The following MDGA2 variants were observed in gnomAD, a reference collection of about 807,000 sequenced individuals.
The protein encoded by MDGA2 is MAM domain-containing glycosylphosphatidylinositol anchor protein 2.
MDGA2 carries 40 observed loss-of-function variants against 117.8 expected under a neutral mutation model. The observed-to-expected ratio is 0.34, with a 90% CI of 0.26 to 0.44. The LOEUF is 0.44. MDGA2 is among the 20% of genes least tolerant of loss of function. MDGA2 has a pLI of 1.00. For synonymous variants in MDGA2, 452 were observed against 439.0 expected (o/e 1.03, Z -0.37); for missense variants, 1,123 against 1,250.6 (o/e 0.90, Z 1.54).
At chr14:46,864,603 CAA>C (rs61055938) in intron 14 of MDGA2, among the ~76,000 whole-genome samples, 26,876 of 72,890 alleles carry the variant, frequency 0.37, 4,604 homozygotes, top group East Asian at 0.6. Flanking sequence ...AACCCTGTGT[CAA>C]AAAAAAAAAA....
At chr14:47,547,128 C>T (rs995801769) in intron 1 of MDGA2, among the ~76,000 whole-genome samples, 7 of 152,250 alleles carry the variant, frequency 4.6e-5, no homozygotes, top group Non-Finnish European at 5.9e-5. Flanking sequence ...TAAAACAGCT[C>T]TACTTTAGTC....
chr14:47,386,147 T>TG (rs748121678), intron 1 of MDGA2, among the ~76,000 whole-genome samples: 3 of 151,978 alleles, frequency 2.0e-5, no homozygotes, highest in Non-Finnish European at 4.4e-5. Flanking sequence ...CCGGGCATGG[T>TG]GGGGGGCACC....
At chr14:46,901,587 A>G (rs937596183) in intron 10 of MDGA2, among the ~76,000 whole-genome samples, 1 of 152,236 alleles carries the variant, frequency 6.6e-6, no homozygotes, top group African/African-American at 2.4e-5. Context: ...TATGTGCCAA[A>G]CAGTACCAGA....
intron 2 of MDGA2, among the ~76,000 whole-genome samples, chr14:47,229,882 T>C (rs927866650): frequency 6.6e-6 from 1 of 151,990 alleles, no homozygotes; most frequent in East Asian, 1.9e-4. Context: ...GGCTGTAATG[T>C]TTTTCCCATA....
chr14:47,068,413 A>AT (rs199534923), intron 6 of MDGA2, among the ~76,000 whole-genome samples: 4,709 of 143,518 alleles, frequency 0.033, 271 homozygotes, highest in African/African-American at 0.11. Context: ...AGTAAGAAAA[A>AT]AAAAATATAT....
chr14:46,988,359 G>C (rs908086099), intron 8 of MDGA2, among the ~76,000 whole-genome samples: 25 of 152,186 alleles, frequency 1.6e-4, no homozygotes, highest in Middle Eastern at 3.4e-3. Context: ...GCATAATTTT[G>C]ATTCGACAAC....
chr14:47,117,187 GCAAATCAAAATCA>G lies in MDGA2; in HGVS notation c.925+14514_925+14526del, dbSNP rs1300693872. On this transcript the variant is annotated intron_variant, in intron 5 of 16. Transcript: ENST00000399232. ...CAGTGTTACAAATCATAAAGGAAAT[GCAAATCAAAATCA>G]CAATAAGATACCAACTCACACCTGT... 2.6e-5 allele frequency among the ~76,000 whole-genome samples: 4 copies of G among 152,210 alleles called. No homozygotes were observed. The East Asian group carries it at 7.7e-4, about 29-fold the overall frequency.
chr14:46,974,610 G>A (rs1382726027), intron 8 of MDGA2, among the ~76,000 whole-genome samples: 1 of 152,076 alleles, frequency 6.6e-6, no homozygotes, highest in African/African-American at 2.4e-5. Flanking sequence ...AAAGAGGCAA[G>A]GTCATTCAAT....
At chr14:47,212,644 A>C (rs1414208215) in intron 3 of MDGA2, among the ~76,000 whole-genome samples, 9 of 152,128 alleles carry the variant, frequency 5.9e-5, no homozygotes, top group Non-Finnish European at 8.8e-5. Context: ...TACAGAAAGG[A>C]AGCATTTAAC....
chr14:47,562,559 G>C (rs1895836971), intron 1 of MDGA2, among the ~76,000 whole-genome samples: 1 of 152,116 alleles, frequency 6.6e-6, no homozygotes, highest in Admixed American at 6.5e-5. Context: ...GAGGATTTTT[G>C]TATTTCTGGG....
chr14:47,509,731 C>T (rs772015682), intron 1 of MDGA2, among the ~76,000 whole-genome samples: 5 of 152,202 alleles, frequency 3.3e-5, no homozygotes, highest in African/African-American at 7.2e-5. Flanking sequence ...GGATCCATTA[C>T]GTCTTCTTTT....
intron 1 of MDGA2, among the ~76,000 whole-genome samples, chr14:47,583,930 C>A (rs1420817924): frequency 6.6e-6 from 1 of 151,822 alleles, no homozygotes; most frequent in African/African-American, 2.4e-5. Flanking sequence ...CTTATCCCTA[C>A]TGTGCTAATG....
At chr14:47,548,814 A>G (rs534060446) in intron 1 of MDGA2, among the ~76,000 whole-genome samples, 2 of 152,102 alleles carry the variant, frequency 1.3e-5, no homozygotes, top group South Asian at 4.1e-4. Flanking sequence ...GGACATTATC[A>G]TATCTCCTAT....
At chr14:46,994,012 A>C (rs952279906) in intron 8 of MDGA2, among the ~76,000 whole-genome samples, 3 of 152,078 alleles carry the variant, frequency 2.0e-5, no homozygotes, top group Non-Finnish European at 4.4e-5. Flanking sequence ...TTTAGGGAGG[A>C]GGCTTTGGGT....
chr14:46,895,437 C>G (rs1883036824), intron 10 of MDGA2, among the ~76,000 whole-genome samples: 1 of 151,992 alleles, frequency 6.6e-6, no homozygotes, highest in Admixed American at 6.6e-5. Flanking sequence ...TTAAGAATAA[C>G]TAGGTTGGCC....
At chr14:47,361,888 C>A (rs571711493) in intron 1 of MDGA2, among the ~76,000 whole-genome samples, 1 of 152,228 alleles carries the variant, frequency 6.6e-6, no homozygotes, top group East Asian at 1.9e-4. Context: ...TTACCTAATT[C>A]GAAGCACTCT....
At chr14:47,204,931 A>T (rs567119684) in intron 3 of MDGA2, among the ~76,000 whole-genome samples, 1 of 151,922 alleles carries the variant, frequency 6.6e-6, no homozygotes, top group African/African-American at 2.4e-5. Context: ...TGAACAATCT[A>T]CTTAAATTGG....
intron 10 of MDGA2, among the ~76,000 whole-genome samples, chr14:46,895,733 A>G (rs1883050513): frequency 6.9e-6 from 1 of 145,258 alleles, no homozygotes; most frequent in Admixed American, 6.9e-5. Flanking sequence ...TCTCAAAAAG[A>G]AAAAAAAAAA....
At chr14:47,098,637 A>G (rs1338815281) in intron 5 of MDGA2, among the ~76,000 whole-genome samples, 1 of 151,900 alleles carries the variant, frequency 6.6e-6, no homozygotes, top group East Asian at 1.9e-4. Context: ...TATCATCATG[A>G]AGAGGTAAAG....
Sources: gnomAD v4.1 joint callset for allele counts (sites outside exome capture counted in the v4.1 genomes callset) on GRCh38, gnomAD v4.1.1 for gene constraint, MANE v1.5 for transcripts, NCBI Gene and HGNC (gene_info 2026-07-23, HGNC 2026-07-21) for gene names.